GLIS3: variants seen among roughly 807,000 people sequenced by gnomAD.
GLIS3 encodes the protein zinc finger protein GLIS3.
GLIS3 carries 53 observed loss-of-function variants against 78.6 expected under a neutral mutation model. The ratio of observed to expected loss-of-function variants is 0.67; its 90% confidence interval spans 0.54 to 0.85. GLIS3 has a LOEUF of 0.85. Ranked by LOEUF, GLIS3 falls within the 40% of genes least tolerant of loss-of-function variation. The pLI is 0.00. For synonymous variants in GLIS3, 684 were observed against 509.9 expected (o/e 1.34, Z -4.60); for missense variants, 1,703 against 1,231.1 (o/e 1.38, Z -5.74).
At chr9:4,123,655 GA>G (rs1832353290) in intron 3 of GLIS3, 1 of 388,676 alleles carries the variant, frequency 2.6e-6, no homozygotes, top group Non-Finnish European at 4.5e-6. Context: ...ATATTAACTG[GA>G]AAAAAGTAAT....
chr9:4,002,823 G>A (rs500044), intron 4 of GLIS3, among the ~76,000 whole-genome samples: 131,923 of 152,126 alleles, frequency 0.87, 57,317 homozygotes, highest in East Asian at 0.96. Context: ...AGTTATCACC[G>A]ATGTTACCAT....
the GLIS3 span, among the ~76,000 whole-genome samples, chr9:4,474,964 T>C: frequency 6.6e-6 from 1 of 151,202 alleles, no homozygotes. Flanking sequence ...AAGGAAACTT[T>C]TCATAAATTG....
At chr9:4,274,717 C>A (rs1265653371) in intron 2 of GLIS3, among the ~76,000 whole-genome samples, 1 of 152,174 alleles carries the variant, frequency 6.6e-6, no homozygotes, top group Non-Finnish European at 1.5e-5. Context: ...ACAGGGCACC[C>A]CTTCTGAGTG....
intron 5 of GLIS3, among the ~76,000 whole-genome samples, chr9:3,934,347 A>G (rs1292584834): frequency 1.3e-5 from 2 of 152,024 alleles, no homozygotes; most frequent in Non-Finnish European, 2.9e-5. Flanking sequence ...AATTATATAA[A>G]TTGATGCCAT....
At chr9:3,940,356 G>A (rs996906948) in intron 4 of GLIS3, among the ~76,000 whole-genome samples, 1 of 152,074 alleles carries the variant, frequency 6.6e-6, no homozygotes, top group Admixed American at 6.6e-5. Flanking sequence ...GGGAAGCAAG[G>A]AACATTAAGA....
In GLIS3 at chr9:4,147,101, A is replaced by C. The variant is rs7022357; in HGVS notation, c.389-21160T>G. Among the ~76,000 whole-genome samples the C allele has an allele frequency of 3.4e-3, 524 of 152,204 alleles. 2 individuals are homozygous for C. The highest frequency in any genetic ancestry group is 0.01 in the Middle Eastern group (3 of 294). On this transcript the variant is annotated intron_variant, in intron 2 of 10. Coordinates refer to ENST00000381971, the MANE Select transcript of GLIS3 (RefSeq NM_001042413.2). ...TGCAATTAATCTCCTCTGGCCATTCATTTCTTCCCCAAATTGAACATTATG... is the reference window on the plus strand; with the variant it reads ...TGCAATTAATCTCCTCTGGCCATTCCTTTCTTCCCCAAATTGAACATTATG...
intron 2 of GLIS3, among the ~76,000 whole-genome samples, chr9:4,328,320 T>C (rs1306175375): frequency 6.6e-6 from 1 of 152,116 alleles, no homozygotes; most frequent in Non-Finnish European, 1.5e-5. Flanking sequence ...CAGCTCCCCC[T>C]GAAGTTCCAG....
At chr9:4,151,794 A>C (rs1344321792) in intron 2 of GLIS3, among the ~76,000 whole-genome samples, 1 of 152,196 alleles carries the variant, frequency 6.6e-6, no homozygotes, top group Non-Finnish European at 1.5e-5. Context: ...ATGAAGCATA[A>C]TAATCATCTG....
chr9:3,967,040 A>AAAAAAAAAAAG (rs1226736845), intron 4 of GLIS3, among the ~76,000 whole-genome samples: 1 of 129,628 alleles, frequency 7.7e-6, no homozygotes, highest in African/African-American at 2.7e-5. Flanking sequence ...AAAACAAAAA[A>AAAAAAAAAAAG]ACATTTTGAG....
At chr9:4,232,515 TATG>T (rs1822360279) in intron 2 of GLIS3, among the ~76,000 whole-genome samples, 1 of 152,040 alleles carries the variant, frequency 6.6e-6, no homozygotes, top group South Asian at 2.1e-4. Flanking sequence ...CTTTCAGCAA[TATG>T]ATAACTCCTC....
chr9:4,074,163 C>A (rs1262319494), intron 4 of GLIS3, among the ~76,000 whole-genome samples: 1 of 152,258 alleles, frequency 6.6e-6, no homozygotes, highest in South Asian at 2.1e-4. Flanking sequence ...TGAGCTAGCT[C>A]CAGCCTAGGG....
chr9:4,066,804 G>T (rs1827138013), intron 4 of GLIS3, among the ~76,000 whole-genome samples: 1 of 152,218 alleles, frequency 6.6e-6, no homozygotes, highest in Non-Finnish European at 1.5e-5. Context: ...GTGCTTGTCT[G>T]CTTGCTTTCA....
chr9:4,372,733 C>T, the GLIS3 span, among the ~76,000 whole-genome samples: 2 of 152,138 alleles, frequency 1.3e-5, no homozygotes, highest in Non-Finnish European at 2.9e-5. Flanking sequence ...CTAAAGACTC[C>T]TAAAAATAGA....
intron 4 of GLIS3, among the ~76,000 whole-genome samples, chr9:4,069,145 G>C (rs933092428): frequency 2.6e-5 from 4 of 152,142 alleles, no homozygotes; most frequent in African/African-American, 9.7e-5. Flanking sequence ...ATGCCCTGTT[G>C]AATATGTAGG....
At chr9:4,032,378 A>G (rs1823911585) in intron 4 of GLIS3, among the ~76,000 whole-genome samples, 1 of 152,222 alleles carries the variant, frequency 6.6e-6, no homozygotes, top group South Asian at 2.1e-4. Flanking sequence ...CTTTCACAGA[A>G]GTCTATAAAA....
chr9:4,255,361 G>A (rs572343401), intron 2 of GLIS3, among the ~76,000 whole-genome samples: 4 of 152,042 alleles, frequency 2.6e-5, no homozygotes, highest in Non-Finnish European at 5.9e-5. Context: ...GTGCTCCTTG[G>A]TATCACCCAA....
intron 8 of GLIS3, among the ~76,000 whole-genome samples, chr9:3,862,270 C>G (rs946592156): frequency 3.3e-5 from 5 of 152,106 alleles, no homozygotes; most frequent in Admixed American, 3.3e-4. Context: ...GAAGAAGATT[C>G]CTGAGGGCAT....
the GLIS3 span, among the ~76,000 whole-genome samples, chr9:4,402,772 A>C: frequency 5.3e-5 from 8 of 152,170 alleles, no homozygotes; most frequent in African/African-American, 1.9e-4. Flanking sequence ...TTGAAAACAC[A>C]CAGAAGGGGA....
rs74662336 is a variant in GLIS3, at chr9:4,016,720, C to T, written c.1711-79531G>A. ...TTGAAAACACTCCTCCACATGGATG[C>T]ACTAAATCACCCAGCATTAAATGAG... On this transcript the variant is annotated intron_variant, in intron 4 of 10. Coordinates refer to ENST00000381971, the MANE Select transcript of GLIS3 (RefSeq NM_001042413.2). Among the ~76,000 whole-genome samples, 730 of 152,306 alleles carry T rather than the reference C, an allele frequency of 4.8e-3. 3 individuals carry two copies. The highest frequency in any genetic ancestry group is 0.017 in the African/African-American group (696 of 41,570).
Sources: allele counts gnomAD v4.1 joint callset (sites outside exome capture counted in the v4.1 genomes callset), GRCh38; gene constraint gnomAD v4.1.1; transcripts MANE v1.5; gene names NCBI Gene and HGNC (gene_info 2026-07-23, HGNC 2026-07-21).